The following PANX1 variants were observed in gnomAD, a reference collection of about 807,000 sequenced individuals.
PANX1 encodes the protein pannexin 1.
In PANX1, 30 loss-of-function variants were observed where a neutral mutation model predicts 38.7. The ratio of observed to expected loss-of-function variants is 0.78; its 90% CI spans 0.58 to 1.05. PANX1 has a LOEUF of 1.05. PANX1 is among the 50% of genes least tolerant of loss of function. The pLI is 0.00. For synonymous variants in PANX1, 230 were observed against 212.2 expected (o/e 1.08, Z -0.73); for missense variants, 551 against 517.2 (o/e 1.07, Z -0.63).
At chr11:94,171,732 T>C (rs1350727480) in intron 2 of PANX1, among the ~76,000 whole-genome samples, 1 of 151,492 alleles carries the variant, frequency 6.6e-6, no homozygotes, top group Non-Finnish European at 1.5e-5. Context: ...TGGTGTCATT[T>C]TTCTCCAACC....
At chr11:94,169,471 C>A (rs1022708666) in intron 2 of PANX1, among the ~76,000 whole-genome samples, 1 of 151,586 alleles carries the variant, frequency 6.6e-6, no homozygotes, top group Non-Finnish European at 1.5e-5. Flanking sequence ...AAAGATATGT[C>A]GAAGTTTTAA....
At chr11:94,158,999 G>T (rs1591516951) in intron 2 of PANX1, among the ~76,000 whole-genome samples, 1 of 152,190 alleles carries the variant, frequency 6.6e-6, no homozygotes. Context: ...TGCATCTGTT[G>T]AGATAATCAT....
intron 2 of PANX1, among the ~76,000 whole-genome samples, chr11:94,159,532 A>G (rs1354305856): frequency 6.6e-6 from 1 of 151,734 alleles, no homozygotes; most frequent in Non-Finnish European, 1.5e-5. Context: ...TGTTTATAGT[A>G]TTCTCAGATG....
intron 2 of PANX1, among the ~76,000 whole-genome samples, chr11:94,157,133 G>T (rs1422874747): frequency 1.3e-5 from 2 of 151,998 alleles, no homozygotes; most frequent in Non-Finnish European, 2.9e-5. Context: ...ATCATTGTTG[G>T]ACATTTGGGT....
chr11:94,175,016 C>T (rs1947216303), intron 2 of PANX1, among the ~76,000 whole-genome samples: 1 of 151,718 alleles, frequency 6.6e-6, no homozygotes, highest in African/African-American at 2.4e-5. Context: ...TCAATACTCA[C>T]TCGAACATCA....
intron 2 of PANX1, among the ~76,000 whole-genome samples, chr11:94,170,774 C>T (rs1947156551): frequency 6.6e-6 from 1 of 151,594 alleles, no homozygotes; most frequent in Non-Finnish European, 1.5e-5. Flanking sequence ...GTGAGAAGGT[C>T]CAGTTCTAAC....
intron 1 of PANX1, among the ~76,000 whole-genome samples, chr11:94,139,508 T>C (rs1946736236): frequency 6.6e-6 from 1 of 152,246 alleles, no homozygotes; most frequent in African/African-American, 2.4e-5. Context: ...ATTTGGTCTT[T>C]GGTTTCCCAG....
rs968426195 is a variant in PANX1 at position 94,129,015 on chromosome 11, C to G, written c.-298C>G. On this transcript the variant is annotated 5_prime_UTR_variant, in exon 1 of 5. The change creates a new upstream start codon in the 5' untranslated region. Transcript: ENST00000227638. ...GGGGGTGCGCGGGAGAGGCGCGAAT[C>G]CGAGTGCCGCGCGCGGCCCGGGGAC... The G allele has an allele frequency of 4.0e-6, 1 of 248,804 alleles. No individual in the cohort carries two copies. The highest frequency in any genetic ancestry group is 2.3e-5 in the African/African-American group (1 of 44,434). 15.4% of individuals were successfully genotyped at this position (248,804 alleles called of 1,614,324 possible). A position where few individuals can be genotyped will look rare whatever the true frequency, so the allele number is the denominator to read the frequency against.
chr11:94,147,701 T>C (rs1256280969), intron 1 of PANX1, among the ~76,000 whole-genome samples: 1 of 152,170 alleles, frequency 6.6e-6, no homozygotes, highest in Non-Finnish European at 1.5e-5. Flanking sequence ...AATGTGGTCA[T>C]TTGCTCTCTT....
intron 1 of PANX1, among the ~76,000 whole-genome samples, chr11:94,149,992 C>G (rs899292991): frequency 3.9e-5 from 6 of 152,202 alleles, no homozygotes; most frequent in African/African-American, 1.4e-4. Flanking sequence ...TGACATGGTT[C>G]AAAGTGGTTT....
At chr11:94,135,208 C>T (rs1216330785) in intron 1 of PANX1, among the ~76,000 whole-genome samples, 1 of 152,214 alleles carries the variant, frequency 6.6e-6, no homozygotes, top group African/African-American at 2.4e-5. Flanking sequence ...CTCCCTCACC[C>T]ACTGACCTCT....
rs977092263 is a variant in PANX1 at position 94,129,248 on chromosome 11, G to A, written c.-65G>A. ...GCCCGGCCGGTGACTGGGTGAAGGC[G>A]CCGCGCAGCTTTCCCGACGCCGGCT... On this transcript the variant is annotated 5_prime_UTR_variant, in exon 1 of 5. Coordinates refer to ENST00000227638, the MANE Select transcript of PANX1 (RefSeq NM_015368.4). 6 of 1,438,808 alleles carry A rather than the reference G, an allele frequency of 4.2e-6. No individual in the cohort carries two copies. Among genetic ancestry groups the A allele is most frequent in the South Asian group, 1.3e-5 (1 of 77,840 alleles). The allele number at this position is 1,438,808 out of a possible 1,614,324, so 89.1% of individuals were successfully genotyped here.
At chr11:94,158,430 G>A (rs1591516553) in intron 2 of PANX1, among the ~76,000 whole-genome samples, 1 of 152,162 alleles carries the variant, frequency 6.6e-6, no homozygotes, top group Admixed American at 6.5e-5. Flanking sequence ...TCATTGAGCA[G>A]TGGTTTGTAG....
At position 94,180,172 on chromosome 11, in the gene PANX1, G is replaced by A. The variant is rs191847249; in HGVS notation, c.1116G>A (p.Met372Ile). 4.6e-5 allele frequency: 75 copies of A among 1,613,954 alleles called. No individual in the cohort carries two copies. The highest frequency in any genetic ancestry group is 1.7e-4 in the Middle Eastern group (1 of 6,060). The stretch of plus-strand genomic sequence containing the variant: ...TGCTACTCCTGACAAACCTTGGCAT[G>A]ATCAAGATGGATGTTGTTGATGGCA... ...DPMLLLTNLG[M>I]IKMDVVDGKT... The change falls in exon 4 of 5, where the codon ATG becomes ATA. Residue 372 changes from methionine to isoleucine, a missense_variant. By Grantham distance (10) the Met-to-Ile change is conservative (BLOSUM62 1). Transcript: ENST00000227638.
intron 2 of PANX1, among the ~76,000 whole-genome samples, chr11:94,175,030 A>G (rs928332015): frequency 3.3e-5 from 5 of 151,744 alleles, no homozygotes; most frequent in Non-Finnish European, 7.3e-5. Context: ...AACATCATGC[A>G]GAATAGTGCC....
At chr11:94,154,024 A>G (rs995761215) in intron 2 of PANX1, among the ~76,000 whole-genome samples, 16 of 152,160 alleles carry the variant, frequency 1.1e-4, no homozygotes, top group African/African-American at 2.2e-4. Flanking sequence ...CACCTTTTCT[A>G]CCACACACAG....
At chr11:94,169,635 C>T (rs1002888035) in intron 2 of PANX1, among the ~76,000 whole-genome samples, 3 of 151,620 alleles carry the variant, frequency 2.0e-5, no homozygotes, top group Non-Finnish European at 4.4e-5. Context: ...CAGACATGCT[C>T]AGAGGGAAGA....
chr11:94,139,881 T>C (rs1189602645), intron 1 of PANX1, among the ~76,000 whole-genome samples: 1 of 152,234 alleles, frequency 6.6e-6, no homozygotes, highest in Non-Finnish European at 1.5e-5. Context: ...AAAGATCCTT[T>C]TTCGTAAATT....
At chr11:94,150,066 C>A (rs1406270681) in intron 1 of PANX1, among the ~76,000 whole-genome samples, 2 of 152,018 alleles carry the variant, frequency 1.3e-5, no homozygotes, top group African/African-American at 4.8e-5. Context: ...GGGGAGGAAG[C>A]TTTGTGAAGA....
Sources: allele counts gnomAD v4.1 joint callset (sites outside exome capture counted in the v4.1 genomes callset), GRCh38; gene constraint gnomAD v4.1.1; transcripts MANE v1.5; gene names NCBI Gene and HGNC (gene_info 2026-07-23, HGNC 2026-07-21).